CSNK1G1: variants seen among roughly 807,000 people sequenced by gnomAD.
CSNK1G1 encodes the protein casein kinase I isoform gamma-1.
In CSNK1G1, 22 loss-of-function variants were observed where a neutral mutation model predicts 59.6. The observed-to-expected ratio is 0.37, with a 90% CI of 0.26 to 0.53. The LOEUF is 0.53. Ranked by LOEUF, CSNK1G1 falls within the 20% of genes least tolerant of loss-of-function variation. The probability of loss-of-function intolerance (pLI) is 0.89; values close to 1 mark genes in which losing one functional copy is unlikely to be tolerated. For synonymous variants in CSNK1G1, 179 were observed against 177.1 expected, an observed-to-expected ratio of 1.01 and a Z score of -0.08; for missense variants, 384 against 519.5, an observed-to-expected ratio of 0.74 and a Z score of 2.54.
rs1395942236 is a variant in CSNK1G1, at chr15:64,341,246, C to T, written c.-225+14742G>A. Among the ~76,000 whole-genome samples the T allele has an allele frequency of 7.2e-4, 2 of 2,792 alleles. 1 individual carries two copies. The highest frequency in any genetic ancestry group is 9.5e-4 in the African/African-American group (2 of 2,114). The allele number at this position is 2,792 out of a possible 152,430, so 1.8% of individuals were successfully genotyped here. On this transcript the variant is annotated intron_variant, in intron 1 of 11. Transcript: ENST00000303052. ...GGTCTCAATCTCTTGACCTCATGATCCACCCGCCTCGGCCTCCCAAAGTGC... is the reference window on the plus strand; with the variant it reads ...GGTCTCAATCTCTTGACCTCATGATTCACCCGCCTCGGCCTCCCAAAGTGC...
At chr15:64,254,840 T>G (rs575871142) in intron 3 of CSNK1G1, among the ~76,000 whole-genome samples, 97 of 152,348 alleles carry the variant, frequency 6.4e-4, no homozygotes, top group Non-Finnish European at 7.6e-4. Context: ...GTCTGTGATT[T>G]TGGTGTCATA....
rs1441373120 is a variant in CSNK1G1, at chr15:64,200,596, T to C, written c.1107+2486A>G. ...CCTGACCTCAGGTGATCGACCCGCC[T>C]CGGCCTCCCAAAGTGCTGGGATTAC... On this transcript the variant is annotated intron_variant, in intron 10 of 11. Coordinates refer to ENST00000303052, the MANE Select transcript of CSNK1G1 (RefSeq NM_022048.5). This position sits in a 1 kb window ranked among gnomAD's most constrained non-coding sequence, Gnocchi z 4.3. Among the ~76,000 whole-genome samples, 2 of 152,208 alleles carry C rather than the reference T, an allele frequency of 1.3e-5. No individual in the cohort carries two copies. Among genetic ancestry groups the C allele is most frequent in the Non-Finnish European group, 2.9e-5 (2 of 68,036 alleles).
At chr15:64,338,878 A>C (rs1897540776) in intron 1 of CSNK1G1, among the ~76,000 whole-genome samples, 2 of 151,366 alleles carry the variant, frequency 1.3e-5, no homozygotes, top group African/African-American at 4.9e-5. Flanking sequence ...TTAGCCAAGG[A>C]TGGTGCTGCA....
At chr15:64,223,302 T>C (rs1380437501) in intron 4 of CSNK1G1, among the ~76,000 whole-genome samples, 4 of 152,146 alleles carry the variant, frequency 2.6e-5, no homozygotes, top group African/African-American at 9.7e-5. Context: ...GCTTAAGAAA[T>C]TTTAAATTAA....
At chr15:64,225,830 T>G (rs1301205212) in intron 4 of CSNK1G1, among the ~76,000 whole-genome samples, 2 of 152,206 alleles carry the variant, frequency 1.3e-5, no homozygotes, top group Admixed American at 1.3e-4. Context: ...TTTCGCTATG[T>G]TGGCCAGGCT....
chr15:64,190,949 T>C (rs1260137815), intron 10 of CSNK1G1, among the ~76,000 whole-genome samples: 1 of 152,232 alleles, frequency 6.6e-6, no homozygotes, highest in Non-Finnish European at 1.5e-5. Flanking sequence ...TCTAAAAACT[T>C]AAGTGCTTAA....
At chr15:64,298,995 G>A (rs983606281) in intron 2 of CSNK1G1, among the ~76,000 whole-genome samples, 2 of 152,098 alleles carry the variant, frequency 1.3e-5, no homozygotes, top group African/African-American at 4.8e-5. Context: ...AGCTGAGATC[G>A]CACCACTGCA....
At chr15:64,302,614 G>A (rs1230758002) in intron 1 of CSNK1G1, among the ~76,000 whole-genome samples, 2 of 151,918 alleles carry the variant, frequency 1.3e-5, no homozygotes, top group African/African-American at 2.4e-5. Context: ...CCACTATCCC[G>A]GTTATCCTTG....
rs2081743123 is a variant in CSNK1G1, at chr15:64,176,462, C to T, written c.1214+3886G>A. Among the ~76,000 whole-genome samples, 1 of 152,180 alleles carries T rather than the reference C, an allele frequency of 6.6e-6. No homozygotes were observed. Among genetic ancestry groups the T allele is most frequent in the African/African-American group, 2.4e-5 (1 of 41,432 alleles). Reference sequence around the variant, plus strand: ...TGAGTAGGCCCAGGCCACTTGGTCCCCACGTTAAAGTGGAGGGTTCGGACA... The same window carrying T: ...TGAGTAGGCCCAGGCCACTTGGTCCTCACGTTAAAGTGGAGGGTTCGGACA... On this transcript the variant is annotated intron_variant, in intron 11 of 11. Coordinates refer to ENST00000303052, the MANE Select transcript of CSNK1G1 (RefSeq NM_022048.5). This position sits in a 1 kb window ranked among gnomAD's most constrained non-coding sequence, Gnocchi z 5.2.
At position 64,231,730 on chromosome 15, in the gene CSNK1G1, T is replaced by C. The variant is rs140636853; in HGVS notation, c.293-15017A>G. Among the ~76,000 whole-genome samples, 994 of 152,270 alleles carry C rather than the reference T, an allele frequency of 6.5e-3. 8 individuals are homozygous for C. The highest frequency in any genetic ancestry group is 0.034 in the Middle Eastern group (10 of 294). ...CTCTCTCTATAAAACCTTTTCTCTTTCTCAAAATTAGAAACCATTTTTTCT... is the reference window on the plus strand; with the variant it reads ...CTCTCTCTATAAAACCTTTTCTCTTCCTCAAAATTAGAAACCATTTTTTCT... On this transcript the variant is annotated intron_variant, in intron 4 of 11. Transcript: ENST00000303052.
intron 2 of CSNK1G1, among the ~76,000 whole-genome samples, chr15:64,296,950 T>C (rs1895055846): frequency 1.4e-5 from 2 of 147,386 alleles, no homozygotes; most frequent in South Asian, 4.3e-4. Context: ...TTTTTTTTTT[T>C]TTTTTTTTTT....
At chr15:64,260,934 G>A (rs1223595955) in intron 2 of CSNK1G1, among the ~76,000 whole-genome samples, 2 of 152,058 alleles carry the variant, frequency 1.3e-5, no homozygotes, top group South Asian at 2.1e-4. Context: ...ATAAAAAGAA[G>A]ACTAACAGGT....
At chr15:64,179,966 C>T (rs1010084402) in intron 11 of CSNK1G1, 1 of 171,090 alleles carries the variant, frequency 5.8e-6, no homozygotes, top group Non-Finnish European at 1.3e-5. Flanking sequence ...AGTTGCTAGC[C>T]CACAATCAGA....
chr15:64,272,360 C>T (rs1178635183), intron 2 of CSNK1G1, among the ~76,000 whole-genome samples: 3 of 152,050 alleles, frequency 2.0e-5, no homozygotes, highest in African/African-American at 7.2e-5. Context: ...GGATTACAGG[C>T]GTCTGCCACT....
rs752087914 is a variant in CSNK1G1 at position 64,180,390 on chromosome 15, G to C, written c.1172C>G (p.Pro391Arg). 3 of 1,614,040 alleles carry C rather than the reference G, an allele frequency of 1.9e-6. No individual in the cohort carries two copies. The highest frequency in any genetic ancestry group is 1.7e-6 in the Non-Finnish European group (2 of 1,180,018). Reference sequence around the variant, plus strand: ...CTCCACCTCGGCATGAGCTGTGATTGGTGCATTGGAGTGGGCTCCCGTGGG... The same window carrying C: ...CTCCACCTCGGCATGAGCTGTGATTCGTGCATTGGAGTGGGCTCCCGTGGG... The part of the protein sequence containing the change: ...DDPTGAHSNA[P>R]ITAHAEVEVV... The change falls in exon 11 of 12, where the codon CCA (proline) becomes CGA (arginine). Residue 391 changes from proline (P) to arginine (R), a missense_variant. Physicochemically the swap from Pro to Arg is moderately radical, Grantham distance 103. Coordinates refer to ENST00000303052, the MANE Select transcript of CSNK1G1 (RefSeq NM_022048.5).
chr15:64,344,765 G>C (rs1039274666), intron 1 of CSNK1G1, among the ~76,000 whole-genome samples: 4 of 152,132 alleles, frequency 2.6e-5, no homozygotes, highest in African/African-American at 9.7e-5. Context: ...GTACAATCTT[G>C]AGCAAGTCAC....
rs536811366 is a variant in CSNK1G1 at position 64,214,251 on chromosome 15, G to A, written c.445-127C>T. On this transcript the variant is annotated intron_variant, in intron 5 of 11. Coordinates refer to ENST00000303052, the MANE Select transcript of CSNK1G1 (RefSeq NM_022048.5). The surrounding 1 kb of genome is among the most constrained non-coding windows in gnomAD (Gnocchi z 4.3). Reference sequence around the variant, plus strand: ...ACAGTAAAATTCATCTCCTTTCACCGCCCTGAGTCACTTCACTGACTTGTA... The same window carrying A: ...ACAGTAAAATTCATCTCCTTTCACCACCCTGAGTCACTTCACTGACTTGTA... The A allele has an allele frequency of 3.0e-5, 21 of 690,372 alleles. No homozygotes were observed. The highest frequency in any genetic ancestry group is 1.4e-4 in the African/African-American group (8 of 55,420). 42.8% of individuals were successfully genotyped at this position (690,372 alleles called of 1,614,324 possible). A position where few individuals can be genotyped will look rare whatever the true frequency, so the allele number is the denominator to read the frequency against.
At chr15:64,242,934 A>C (rs779450935) in intron 4 of CSNK1G1, among the ~76,000 whole-genome samples, 3 of 152,210 alleles carry the variant, frequency 2.0e-5, no homozygotes, top group Non-Finnish European at 4.4e-5. Flanking sequence ...AACATACATA[A>C]ATTAATATAT....
chr15:64,195,092 T>C (rs2082022138), intron 10 of CSNK1G1: 1 of 152,222 alleles, frequency 6.6e-6, no homozygotes, highest in Admixed American at 6.5e-5. Context: ...AGTACAAAAT[T>C]ACAAAGAATA....
Sources: allele counts gnomAD v4.1 joint callset (sites outside exome capture counted in the v4.1 genomes callset), GRCh38; gene constraint gnomAD v4.1.1; non-coding constraint Gnocchi (gnomAD v3.1); transcripts MANE v1.5; gene names NCBI Gene and HGNC (gene_info 2026-07-23, HGNC 2026-07-21).